Variants in MGAM2 observed in about 807,000 individuals in gnomAD.
The protein encoded by MGAM2 is maltase-glucoamylase 2 (putative).
In MGAM2, 98 loss-of-function variants were observed where a neutral mutation model predicts 96.1. The ratio of observed to expected loss-of-function variants is 1.02; its 90% confidence interval spans 0.87 to 1.21. The LOEUF (loss-of-function observed/expected upper bound fraction) is 1.21, where lower values mean the gene tolerates loss of function less well. MGAM2 is among the 50% of genes most tolerant of loss of function. The probability of loss-of-function intolerance (pLI) is 0.00; values close to 1 mark genes in which losing one functional copy is unlikely to be tolerated. For missense variants in MGAM2, 2,055 were observed against 1,182.4 expected (o/e 1.74, Z -10.82); for synonymous variants, 749 against 414.8 (o/e 1.81, Z -9.79).
chr7:142,142,204 G>A (rs1420378384), intron 12 of MGAM2, among the ~76,000 whole-genome samples: 1 of 151,762 alleles, frequency 6.6e-6, no homozygotes, highest in Non-Finnish European at 1.5e-5. Flanking sequence ...CAGTAGGAAA[G>A]TTTTCTTCCT....
Position 142,221,688 on chromosome 7 carries a change from GCTA to G in MGAM2, c.7185_7187del (p.Thr2397del), listed in dbSNP as rs1285491692. ...CACACAGTTCGCTACTCCCCATTCT[GCTA>G]CTACTACAACACTGGCCTTAAGCCA... On this transcript the variant is annotated inframe_deletion, in exon 48 of 48. Coordinates refer to ENST00000477922, the MANE Select transcript of MGAM2 (RefSeq NM_001293626.2). The G allele has an allele frequency of 2.3e-6, 1 of 427,478 alleles. No individual in the cohort carries two copies. Among genetic ancestry groups the G allele is most frequent in the African/African-American group, 2.0e-5 (1 of 49,300 alleles). 26.5% of individuals were successfully genotyped at this position (427,478 alleles called of 1,614,324 possible).
Position 142,197,537 on chromosome 7 carries a change from C to T in MGAM2, c.4770C>T (p.Pro1590=), listed in dbSNP as rs1189570150. The T allele has an allele frequency of 2.0e-5, 14 of 703,080 alleles. No homozygotes were observed. Among genetic ancestry groups the T allele is most frequent in the Non-Finnish European group, 3.4e-5 (13 of 385,048 alleles). 43.6% of individuals were successfully genotyped at this position (703,080 alleles called of 1,614,324 possible). The stretch of plus-strand genomic sequence containing the variant: ...TTGAGGGCAGCACAGTTGTCCGGCC[C>T]CTTCTCCATGAGTGAGTACAGCCTC... ...AHVEGSTVVR[P]LLHEFTDDRT... The change falls in exon 41 of 48, where the codon CCC becomes CCT. Residue 1590 remains proline, a synonymous_variant. Transcript: ENST00000477922.
At chr7:142,192,185 T>G (rs1224491839) in intron 37 of MGAM2, among the ~76,000 whole-genome samples, 1 of 152,254 alleles carries the variant, frequency 6.6e-6, no homozygotes, top group East Asian at 1.9e-4. Flanking sequence ...GCCCCTGGTG[T>G]TCCACAATCA....
intron 46 of MGAM2, among the ~76,000 whole-genome samples, chr7:142,211,439 C>T (rs1585222925): frequency 6.6e-6 from 1 of 152,096 alleles, no homozygotes; most frequent in African/African-American, 2.4e-5. Flanking sequence ...AAGCTAAGAA[C>T]CTTGATAAAA....
At chr7:142,214,977 T>A (rs1797710394) in intron 46 of MGAM2, among the ~76,000 whole-genome samples, 1 of 152,194 alleles carries the variant, frequency 6.6e-6, no homozygotes, top group Non-Finnish European at 1.5e-5. Context: ...TTATAAATCA[T>A]TCTGCTATAA....
chr7:142,127,820 T>C (rs936865994), intron 3 of MGAM2, among the ~76,000 whole-genome samples: 2 of 152,234 alleles, frequency 1.3e-5, no homozygotes, highest in African/African-American at 4.8e-5. Context: ...TGTCTTTCCT[T>C]TATAAATTAC....
chr7:142,166,088 C>T lies in MGAM2; in HGVS notation c.2653-10C>T, dbSNP rs117616863. On this transcript the variant is annotated splice_polypyrimidine_tract_variant and intron_variant, in intron 24 of 47. Transcript: ENST00000477922. ...CCTTCCTTTGTCACTGTGACTGTCT[C>T]TTTCCCCAGGTGGTAACCATCACTG... 7.6e-3 allele frequency: 5,219 copies of T among 682,694 alleles called. 61 individuals are homozygous for T. Among genetic ancestry groups the T allele is most frequent in the East Asian group, 0.028 (1,009 of 36,552 alleles). The allele number at this position is 682,694 out of a possible 1,614,324, so 42.3% of individuals were successfully genotyped here.
intron 46 of MGAM2, among the ~76,000 whole-genome samples, chr7:142,212,163 G>T (rs1252221588): frequency 6.6e-6 from 1 of 152,188 alleles, no homozygotes; most frequent in Non-Finnish European, 1.5e-5. Flanking sequence ...GAGGGATTTG[G>T]TCACCACTAG....
At chr7:142,204,914 T>A (rs1369461776) in intron 45 of MGAM2, among the ~76,000 whole-genome samples, 6 of 152,132 alleles carry the variant, frequency 3.9e-5, no homozygotes, top group Non-Finnish European at 7.4e-5. Flanking sequence ...ACTTGAGCCT[T>A]ATAAGGGCAT....
At chr7:142,111,998 CTGTGTGTGTGTG>C (rs57967255) in intron 1 of MGAM2, among the ~76,000 whole-genome samples, 191 bp downstream of exon 1, 122 of 133,664 alleles carry the variant, frequency 9.1e-4, no homozygotes, top group Middle Eastern at 3.9e-3. Flanking sequence ...AGAGGAGAGA[CTGTGTGTGTGTG>C]TGTGTGTGTG....
intron 17 of MGAM2, among the ~76,000 whole-genome samples, chr7:142,156,603 G>A (rs1326581056): frequency 6.6e-6 from 1 of 152,190 alleles, no homozygotes; most frequent in African/African-American, 2.4e-5. Context: ...GGACAGCACA[G>A]CTCTGGGCTT....
chr7:142,198,583 T>A, intron 43 of MGAM2, 32 bp from the exon 44 acceptor site: 1 of 700,456 alleles, frequency 1.4e-6, no homozygotes. Flanking sequence ...TATTTATCTC[T>A]CGCCATTTTT....
At chr7:142,166,449 C>T (rs1328985835) in intron 25 of MGAM2, among the ~76,000 whole-genome samples, 196 bp downstream of exon 25, 2 of 152,184 alleles carry the variant, frequency 1.3e-5, no homozygotes, top group Non-Finnish European at 2.9e-5. Context: ...CTCATTGCCA[C>T]TCCAACCATA....
intron 1 of MGAM2, among the ~76,000 whole-genome samples, chr7:142,112,674 C>T (rs981577622): frequency 1.3e-5 from 2 of 152,010 alleles, no homozygotes; most frequent in South Asian, 2.1e-4. Flanking sequence ...TAAAAAGTAG[C>T]GGCTCTCGGT....
chr7:142,175,918 T>G, intron 32 of MGAM2, 138 bp downstream of exon 32: 1 of 444,172 alleles, frequency 2.3e-6, no homozygotes, highest in Non-Finnish European at 4.0e-6. Context: ...TTGCAACTTC[T>G]TGTGGTGAAT....
chr7:142,157,575 A>G (rs1795770538), intron 17 of MGAM2, among the ~76,000 whole-genome samples: 2 of 152,082 alleles, frequency 1.3e-5, no homozygotes, highest in Non-Finnish European at 2.9e-5. Context: ...TATTTTTAGT[A>G]GAGACAGGAT....
intron 7 of MGAM2, among the ~76,000 whole-genome samples, chr7:142,136,257 G>A (rs1180122480): frequency 6.6e-6 from 1 of 152,074 alleles, no homozygotes; most frequent in African/African-American, 2.4e-5. Flanking sequence ...GGTTGTTTGT[G>A]TCTGTTTCTT....
At chr7:142,161,910 C>T in intron 22 of MGAM2, 45 bp from the exon 23 acceptor site, 1 of 661,482 alleles carries the variant, frequency 1.5e-6, no homozygotes, top group Non-Finnish European at 2.7e-6. Context: ...GACTCCCTGG[C>T]TGATTGGCTT....
intron 15 of MGAM2, among the ~76,000 whole-genome samples, chr7:142,153,584 G>T (rs114389103): frequency 2.0e-3 from 299 of 152,304 alleles, no homozygotes; most frequent in African/African-American, 6.7e-3. Flanking sequence ...CCAGCAGAGG[G>T]TGCAGAGCTC....
Sources: gnomAD v4.1 joint callset for allele counts (sites outside exome capture counted in the v4.1 genomes callset) on GRCh38, gnomAD v4.1.1 for gene constraint, MANE v1.5 for transcripts, NCBI Gene and HGNC (gene_info 2026-07-23, HGNC 2026-07-21) for gene names.